TBXAS1: variants seen among roughly 807,000 people sequenced by gnomAD.
TBXAS1 encodes the protein thromboxane A synthase 1.
A neutral mutation model predicts 60.7 loss-of-function variants in TBXAS1; 48 were observed. The observed-to-expected ratio is 0.79, with a 90% confidence interval of 0.63 to 1.01. The LOEUF (loss-of-function observed/expected upper bound fraction) is 1.01, where lower values mean the gene tolerates loss of function less well. TBXAS1 is among the 50% of genes least tolerant of loss of function. The pLI, the probability that TBXAS1 is intolerant of heterozygous loss-of-function variation, is 0.00. For missense variants in TBXAS1, 685 were observed against 686.3 expected, an observed-to-expected ratio of 1.00 and a Z score of 0.02; for synonymous variants, 287 against 269.7, an observed-to-expected ratio of 1.06 and a Z score of -0.63.
intron 3 of TBXAS1, among the ~76,000 whole-genome samples, chr7:139,905,005 C>CTCTTTCTT (rs775007248): frequency 0.084 from 7,518 of 89,362 alleles, 608 homozygotes; most frequent in Non-Finnish European, 0.11. Flanking sequence ...CTCTCTTTCT[C>CTCTTTCTT]TCTTTCTTTC....
chr7:139,935,677 G>C (rs973194150), intron 4 of TBXAS1, among the ~76,000 whole-genome samples: 1 of 151,696 alleles, frequency 6.6e-6, no homozygotes, highest in South Asian at 2.1e-4. Context: ...CCTAGCACAC[G>C]CTTCTGAAGG....
chr7:139,838,123 T>A (rs954803517), intron 1 of TBXAS1, among the ~76,000 whole-genome samples: 3 of 152,226 alleles, frequency 2.0e-5, no homozygotes, highest in African/African-American at 7.2e-5. Flanking sequence ...CTAGAACTGA[T>A]AAAAGAATTC....
intron 5 of TBXAS1, chr7:139,952,611 C>A (rs1225656586): frequency 6.5e-7 from 1 of 1,537,258 alleles, no homozygotes; most frequent in African/African-American, 1.4e-5. Flanking sequence ...GCAGGCTCCA[C>A]AAAGAATTCC....
chr7:139,938,067 C>A (rs907345715), intron 5 of TBXAS1, among the ~76,000 whole-genome samples: 1 of 152,164 alleles, frequency 6.6e-6, no homozygotes, highest in Non-Finnish European at 1.5e-5. Context: ...AAAATAGAGT[C>A]CCCATCTGAT....
At chr7:139,962,371 G>C (rs2021625674) in intron 9 of TBXAS1, 138 bp downstream of exon 9, 1 of 1,058,880 alleles carries the variant, frequency 9.4e-7, no homozygotes. Flanking sequence ...GTCATTGCTT[G>C]GCTTCTCCTG....
At chr7:139,878,193 C>T (rs951647847) in intron 3 of TBXAS1, among the ~76,000 whole-genome samples, 1 of 129,894 alleles carries the variant, frequency 7.7e-6, no homozygotes, top group Non-Finnish European at 1.6e-5. Flanking sequence ...GAGAAAGAGA[C>T]AGAGAAAGAG....
chr7:139,782,575 C>T (rs1797037819), intron 2 of TBXAS1: 1 of 151,840 alleles, frequency 6.6e-6, no homozygotes, highest in Non-Finnish European at 1.5e-5. Flanking sequence ...GTGTGTATGT[C>T]TCTCTTACTC....
chr7:139,990,922 C>G (rs538350916), intron 9 of TBXAS1, among the ~76,000 whole-genome samples: 64 of 152,262 alleles, frequency 4.2e-4, no homozygotes, highest in South Asian at 1.9e-3. Context: ...AGAAGCCTCC[C>G]GACGGTGCAG....
rs56752847 is a variant in TBXAS1 at position 139,905,059 on chromosome 7, C to CTTTCTTTCTT, written c.237-6165_237-6164insTTCTTTCTTT. On this transcript the variant is annotated intron_variant, in intron 3 of 12. Coordinates refer to ENST00000448866, the MANE Select transcript of TBXAS1 (RefSeq NM_001061.7). ...TCTTTCTTTCTTTCTTTCTTTCTTTCTCTCTCTCTCTCTCTCTTTCTCTTT... is the reference window on the plus strand; with the variant it reads ...TCTTTCTTTCTTTCTTTCTTTCTTTCTTTCTTTCTTTCTCTCTCTCTCTCTCTTTCTCTTT... 6.9e-3 allele frequency among the ~76,000 whole-genome samples: 784 copies of CTTTCTTTCTT among 113,684 alleles called. 8 individuals carry two copies. Among genetic ancestry groups the CTTTCTTTCTT allele is most frequent in the South Asian group, 0.012 (40 of 3,236 alleles). 74.6% of individuals were successfully genotyped at this position (113,684 alleles called of 152,430 possible).
At chr7:139,833,531 AAAAATT>A (rs1384545771) in intron 1 of TBXAS1, among the ~76,000 whole-genome samples, 1 of 145,824 alleles carries the variant, frequency 6.9e-6, no homozygotes, top group Non-Finnish European at 1.5e-5. Flanking sequence ...AAAAAAAAAA[AAAAATT>A]AGAGGGGTGT....
intron 4 of TBXAS1, among the ~76,000 whole-genome samples, chr7:139,934,190 T>G (rs1167980018): frequency 6.6e-6 from 1 of 152,120 alleles, no homozygotes; most frequent in Non-Finnish European, 1.5e-5. Flanking sequence ...TCTTTTTTTT[T>G]TCTTTTGTTT....
rs1026726541 is a variant in TBXAS1, at chr7:139,999,111, G to A, written c.1135-7980G>A. ...CCCCTCTCATAACCAAACCTCCATC[G>A]TATCTCCCTGCAAGCCTTGAAACTG... On this transcript the variant is annotated intron_variant, in intron 9 of 12. Transcript: ENST00000448866. This position sits in a 1 kb window ranked among gnomAD's most constrained non-coding sequence, Gnocchi z 4.3. 6.6e-6 allele frequency among the ~76,000 whole-genome samples: 1 copy of A among 152,150 alleles called. No homozygotes were observed. The highest frequency in any genetic ancestry group is 1.5e-5 in the Non-Finnish European group (1 of 68,022).
chr7:140,007,177 T>C lies in TBXAS1; in HGVS notation c.1221T>C (p.Ala407=). The change falls in exon 10 of 13, where the codon GCT becomes GCC. Residue 407 remains alanine, a synonymous_variant. Transcript: ENST00000448866. ...AGACGCTGAGGATGTACCCGCCAGCTTTCAGGTGTGTGGTAGCCCCCTCCC... is the reference window on the plus strand; with the variant it reads ...AGACGCTGAGGATGTACCCGCCAGCCTTCAGGTGTGTGGTAGCCCCCTCCC... The part of the protein sequence containing the change: ...IAETLRMYPP[A]FRFTREAAQD... 1 of 1,614,124 alleles carries C rather than the reference T, an allele frequency of 6.2e-7. No individual in the cohort carries two copies. Among genetic ancestry groups the C allele is most frequent in the Non-Finnish European group, 8.5e-7 (1 of 1,180,004 alleles).
At chr7:139,949,335 TAGAC>T (rs1415260573) in intron 5 of TBXAS1, among the ~76,000 whole-genome samples, 2 of 152,254 alleles carry the variant, frequency 1.3e-5, no homozygotes, top group African/African-American at 4.8e-5. Context: ...TGTAGATAGA[TAGAC>T]AGATTTTCTT....
intron 4 of TBXAS1, among the ~76,000 whole-genome samples, chr7:139,790,337 T>G (rs1026716314): frequency 1.3e-5 from 2 of 152,264 alleles, no homozygotes; most frequent in Non-Finnish European, 2.9e-5. Flanking sequence ...AAATGCATTA[T>G]ATGATTTTTG....
chr7:139,843,095 C>A (rs1467677248), intron 1 of TBXAS1, among the ~76,000 whole-genome samples: 1 of 152,198 alleles, frequency 6.6e-6, no homozygotes, highest in Non-Finnish European at 1.5e-5. Context: ...GTGCTTCCCT[C>A]CTTCCTGCAC....
chr7:139,805,728 C>CTCTT lies in TBXAS1; in HGVS notation c.-80+18327_-80+18330dup, dbSNP rs796223409. On this transcript the variant is annotated intron_variant, in intron 4 of 16. Transcript: ENST00000336425. ...TTTCTTTCTTTCTCTCTCTCTCTCT[C>CTCTT]TCTTTCTTTCTTTCTTTCTTTCTTT... 3.8e-4 allele frequency among the ~76,000 whole-genome samples: 42 copies of CTCTT among 110,986 alleles called. 2 individuals are homozygous for CTCTT. Among genetic ancestry groups the CTCTT allele is most frequent in the East Asian group, 1.4e-3 (4 of 2,922 alleles). 72.8% of individuals were successfully genotyped at this position (110,986 alleles called of 152,430 possible).
At chr7:139,951,013 T>C (rs1286406776) in intron 5 of TBXAS1, among the ~76,000 whole-genome samples, 1 of 152,184 alleles carries the variant, frequency 6.6e-6, no homozygotes, top group Non-Finnish European at 1.5e-5. Context: ...TAAAATTTCA[T>C]GTCCTCCCAA....
chr7:139,807,792 C>A (rs1797916628), intron 4 of TBXAS1, among the ~76,000 whole-genome samples: 1 of 152,122 alleles, frequency 6.6e-6, no homozygotes, highest in Non-Finnish European at 1.5e-5. Context: ...ATTTTCCCAG[C>A]TTTCTGCACA....
Sources: allele counts gnomAD v4.1 joint callset (sites outside exome capture counted in the v4.1 genomes callset), GRCh38; gene constraint gnomAD v4.1.1; non-coding constraint Gnocchi (gnomAD v3.1); transcripts MANE v1.5; gene names NCBI Gene and HGNC (gene_info 2026-07-23, HGNC 2026-07-21).